The following PPP2R2D variants were observed in gnomAD, a reference collection of about 807,000 sequenced individuals.
The protein encoded by PPP2R2D is serine/threonine-protein phosphatase 2A 55 kDa regulatory subunit B delta isoform.
In PPP2R2D, 9 loss-of-function variants were observed where a neutral mutation model predicts 31.1. That is an observed-to-expected ratio of 0.29 (90% CI 0.17 to 0.51). The LOEUF is 0.51. Among genes scored for constraint, PPP2R2D ranks in the 20% least tolerant of loss-of-function variants. PPP2R2D has a pLI of 0.98. For synonymous variants in PPP2R2D, 179 were observed against 172.6 expected (o/e 1.04, Z -0.29); for missense variants, 391 against 465.6 (o/e 0.84, Z 1.48).
chr10:131,970,963 T>G, the PPP2R2D span: 1 of 1,613,702 alleles, frequency 6.2e-7, no homozygotes, highest in African/African-American at 1.3e-5. This position sits in a 1 kb window ranked among gnomAD's most constrained non-coding sequence, Gnocchi z 4.1. Context: ...AATATCATCT[T>G]CCTCAGACTA....
At chr10:131,932,503 C>G (rs1322481567) in intron 2 of PPP2R2D, among the ~76,000 whole-genome samples, 1 of 151,970 alleles carries the variant, frequency 6.6e-6, no homozygotes, top group East Asian at 1.9e-4. Context: ...CCTGTCTCTA[C>G]TAAAAATACA....
chr10:131,966,717 A>G, the PPP2R2D span: 1 of 151,966 alleles, frequency 6.6e-6, no homozygotes, highest in Non-Finnish European at 1.5e-5. Context: ...CACGAGGCTA[A>G]TTTTTGTATT....
At chr10:131,938,261 T>A (rs2036380088) in intron 3 of PPP2R2D, among the ~76,000 whole-genome samples, 1 of 152,250 alleles carries the variant, frequency 6.6e-6, no homozygotes, top group Admixed American at 6.5e-5. Context: ...AAAGTTCGTT[T>A]AGTTCCATTC....
chr10:131,927,287 G>A (rs983850293), intron 2 of PPP2R2D, among the ~76,000 whole-genome samples: 12 of 152,106 alleles, frequency 7.9e-5, no homozygotes, highest in Non-Finnish European at 1.5e-4. Flanking sequence ...CTCTCCCCCC[G>A]GGGAGTGGGG....
At chr10:131,933,351 A>C (rs936898320) in intron 2 of PPP2R2D, among the ~76,000 whole-genome samples, 2 of 152,134 alleles carry the variant, frequency 1.3e-5, no homozygotes, top group Non-Finnish European at 2.9e-5. Flanking sequence ...TCTTCTTAGT[A>C]GGTTGTTTAC....
At chr10:131,950,290 A>G (rs1409226825) in intron 8 of PPP2R2D, among the ~76,000 whole-genome samples, 2 of 152,130 alleles carry the variant, frequency 1.3e-5, no homozygotes, top group Non-Finnish European at 2.9e-5. Context: ...GTGGCCAGCA[A>G]TTTTCTCTAA....
At chr10:131,912,862 CCTT>C (rs2035706529) in intron 2 of PPP2R2D, among the ~76,000 whole-genome samples, 1 of 152,206 alleles carries the variant, frequency 6.6e-6, no homozygotes, top group Non-Finnish European at 1.5e-5. Context: ...TCTCGTCCAT[CCTT>C]CTGCCCTTCC....
In PPP2R2D at chr10:131,955,684, C is replaced by T. The variant is rs1564827724; in HGVS notation, c.1083C>T (p.Ser361=). Residue 361 remains serine (S), a splice_region_variant and synonymous_variant, in exon 9 of 9, where the codon AGC becomes AGT. Coordinates refer to ENST00000455566, the MANE Select transcript of PPP2R2D (RefSeq NM_018461.5). ...TGCTGTCTGCTCTTGTTTTGAACAGCGCCATCATGACCGGGTCCTATAACA... is the reference window on the plus strand; with the variant it reads ...TGCTGTCTGCTCTTGTTTTGAACAGTGCCATCATGACCGGGTCCTATAACA... ...KFECCWNGSD[S]AIMTGSYNNF... is the part of the protein sequence containing the mutation. 8.3e-6 allele frequency: 12 copies of T among 1,448,162 alleles called. No homozygotes were observed. Among genetic ancestry groups the T allele is most frequent in the South Asian group, 4.9e-5 (3 of 61,190 alleles). The allele number at this position is 1,448,162 out of a possible 1,614,324, so 89.7% of individuals were successfully genotyped here.
intron 2 of PPP2R2D, among the ~76,000 whole-genome samples, chr10:131,911,017 C>G (rs913290904): frequency 4.6e-5 from 7 of 152,162 alleles, no homozygotes; most frequent in Non-Finnish European, 1.0e-4. Context: ...CCTCTGTAGT[C>G]TCCTTTATAA....
the PPP2R2D span, among the ~76,000 whole-genome samples, chr10:131,965,272 G>A: frequency 6.6e-6 from 1 of 152,114 alleles, no homozygotes; most frequent in African/African-American, 2.4e-5. Context: ...ACGGAGGCTG[G>A]GCGCCAAGAG....
chr10:131,926,344 A>G (rs1206943374), intron 2 of PPP2R2D, among the ~76,000 whole-genome samples: 1 of 152,070 alleles, frequency 6.6e-6, no homozygotes, highest in African/African-American at 2.4e-5. Flanking sequence ...AAACGTGTGT[A>G]TATGTGTGTG....
At position 131,959,656 on chromosome 10, in the gene PPP2R2D, A is replaced by G; in HGVS notation, c.*3693A>G. On this transcript the variant is annotated 3_prime_UTR_variant, in exon 9 of 9. Coordinates refer to ENST00000455566, the MANE Select transcript of PPP2R2D (RefSeq NM_018461.5). ...CTAAAGGTACCTTTATTTTAACTAA[A>G]AAATAATTTATATACTGTATATTGA... The G allele has an allele frequency of 6.5e-6, 1 of 152,844 alleles. No homozygotes were observed. The highest frequency in any genetic ancestry group is 1.9e-4 in the East Asian group (1 of 5,190). 9.5% of individuals were successfully genotyped at this position (152,844 alleles called of 1,614,324 possible).
intron 3 of PPP2R2D, among the ~76,000 whole-genome samples, chr10:131,936,313 T>A (rs1051527365): frequency 4.2e-4 from 60 of 142,708 alleles, no homozygotes; most frequent in African/African-American, 1.5e-3. Flanking sequence ...CACGACCAGC[T>A]AATTTTTGTA....
intron 2 of PPP2R2D, among the ~76,000 whole-genome samples, chr10:131,910,343 T>C (rs2035663555): frequency 6.6e-6 from 1 of 151,220 alleles, no homozygotes; most frequent in African/African-American, 2.4e-5. Context: ...TTGAAGAAAA[T>C]CCTATTTTTT....
intron 2 of PPP2R2D, among the ~76,000 whole-genome samples, chr10:131,932,646 CAAAAAAAAAAAA>C (rs368610703): frequency 3.5e-5 from 2 of 57,860 alleles, no homozygotes; most frequent in African/African-American, 1.4e-4. Flanking sequence ...CAGCCTGTCT[CAAAAAAAAAAAA>C]AAAAAAAAAA....
In PPP2R2D at chr10:131,950,378, C is replaced by T. The variant is rs572915590; in HGVS notation, c.1082+2587C>T. On this transcript the variant is annotated intron_variant, in intron 8 of 8. Coordinates refer to ENST00000455566, the MANE Select transcript of PPP2R2D (RefSeq NM_018461.5). ...TAATGAAATTGCAGGACACCAAACGCAAAGAGAATATCTTAAATGCACCCA... is the reference window on the plus strand; with the variant it reads ...TAATGAAATTGCAGGACACCAAACGTAAAGAGAATATCTTAAATGCACCCA... Among the ~76,000 whole-genome samples the T allele has an allele frequency of 6.6e-5, 10 of 152,186 alleles. No homozygotes were observed. The East Asian group carries it at 1.9e-3, about 29-fold the overall frequency.
Position 131,901,224 on chromosome 10 carries a change from C to G in PPP2R2D, c.8-14C>G, listed in dbSNP as rs1241326651. ...GGGGCCGCGGCCGGCCTGACCGCCC[C>G]GTTGTGTTTGCAGGAGCCGGAGGCG... is the stretch of plus-strand genomic sequence containing the variant. On this transcript the variant is annotated splice_polypyrimidine_tract_variant and intron_variant, in intron 1 of 8. Coordinates refer to ENST00000455566, the MANE Select transcript of PPP2R2D (RefSeq NM_018461.5). 5.7e-6 allele frequency: 2 copies of G among 349,302 alleles called. No individual in the cohort carries two copies. Among genetic ancestry groups the G allele is most frequent in the East Asian group, 8.5e-5 (2 of 23,578 alleles). 21.6% of individuals were successfully genotyped at this position (349,302 alleles called of 1,614,324 possible).
At chr10:131,904,569 C>T (rs1473373686) in intron 2 of PPP2R2D, among the ~76,000 whole-genome samples, 1 of 151,846 alleles carries the variant, frequency 6.6e-6, no homozygotes, top group Non-Finnish European at 1.5e-5. Flanking sequence ...GCTGCTCAGG[C>T]TGTAGAACTT....
chr10:131,941,075 C>T (rs1195861224), intron 5 of PPP2R2D, among the ~76,000 whole-genome samples: 2 of 151,992 alleles, frequency 1.3e-5, no homozygotes, highest in Admixed American at 1.3e-4. Flanking sequence ...GGTTGCAGGT[C>T]GAAAGATGAG....
Sources: gnomAD v4.1 joint callset for allele counts (sites outside exome capture counted in the v4.1 genomes callset) on GRCh38, gnomAD v4.1.1 for gene constraint, Gnocchi (gnomAD v3.1) non-coding constraint, MANE v1.5 for transcripts, NCBI Gene and HGNC (gene_info 2026-07-23, HGNC 2026-07-21) for gene names.